NECAB2: variants seen among roughly 807,000 people sequenced by gnomAD.
NECAB2 encodes N-terminal EF-hand calcium-binding protein 2.
NECAB2 carries 68 observed loss-of-function variants against 51.9 expected under a neutral mutation model. The ratio of observed to expected loss-of-function variants is 1.31; its 90% CI spans 1.08 to 1.60. The LOEUF (loss-of-function observed/expected upper bound fraction) is 1.60, where lower values mean the gene tolerates loss of function less well. Among genes scored for constraint, NECAB2 ranks in the 40% most tolerant of loss-of-function variants. The pLI is 0.00. For synonymous variants in NECAB2, 329 were observed against 203.5 expected, an observed-to-expected ratio of 1.62 and a Z score of -5.25; for missense variants, 854 against 490.3, an observed-to-expected ratio of 1.74 and a Z score of -7.00.
chr16:83,967,915 C>T (rs554025015), upstream of NECAB2, among the ~76,000 whole-genome samples: 169 of 125,322 alleles, frequency 1.3e-3, 1 homozygote, highest in African/African-American at 4.9e-3. Flanking sequence ...GTCGGCCGGC[C>T]GGATGGATGG....
At position 83,990,538 on chromosome 16, in the gene NECAB2, C is replaced by A. The variant is rs766065183; in HGVS notation, c.504C>A (p.Phe168Leu). Residue 168 changes from phenylalanine to leucine, a missense_variant, in exon 6 of 13, where the codon TTC becomes TTA. Phe to Leu is a conservative substitution (Grantham distance 22). Coordinates refer to ENST00000305202, the MANE Select transcript of NECAB2 (RefSeq NM_019065.3). ...GSNVDQFVTR[F>L]LLKETANQIQ... ...ACGTGGACCAGTTTGTGACCCGCTT[C>A]CTCCTGAAGGAGACGGCCAATCAGA... 2 of 1,614,096 alleles carry A rather than the reference C, an allele frequency of 1.2e-6. No homozygotes were observed. The highest frequency in any genetic ancestry group is 3.3e-5 in the Admixed American group (2 of 60,012).
chr16:83,971,917 G>A (rs1384970988), intron 1 of NECAB2: 4 of 604,890 alleles, frequency 6.6e-6, no homozygotes, highest in Non-Finnish European at 1.2e-5. Context: ...GGAGCAGGCT[G>A]GTGGTACTGG....
chr16:84,000,653 C>G lies in NECAB2; in HGVS notation c.963-71C>G, dbSNP rs905405227. 9 of 1,406,270 alleles carry G rather than the reference C, an allele frequency of 6.4e-6. No homozygotes were observed. In the African/African-American group the frequency reaches 7.0e-5, roughly 11 times the overall value. 87.1% of individuals were successfully genotyped at this position (1,406,270 alleles called of 1,614,324 possible). A position where few individuals can be genotyped will look rare whatever the true frequency, so the allele number is the denominator to read the frequency against. On this transcript the variant is annotated intron_variant, in intron 10 of 12. Coordinates refer to ENST00000305202, the MANE Select transcript of NECAB2 (RefSeq NM_019065.3). ...TGTATAGTGGTGGGTCTCAGGCCAC[C>G]CCAGGGGAACAGCACTGAGGTGGCC...
chr16:83,998,294 C>T lies in NECAB2; in HGVS notation c.939C>T (p.Thr313=), dbSNP rs767483686. 7 of 1,613,488 alleles carry T rather than the reference C, an allele frequency of 4.3e-6. No individual in the cohort carries two copies. In the South Asian group the frequency reaches 4.4e-5, roughly 10 times the overall value. ...LDSLRQYLRG[T]TGVRNCFHIT... is the part of the protein sequence containing the mutation. ...CTCTGCGCCAGTATCTGCGGGGGAC[C>T]ACTGGCGTGAGGAACTGCTTCCAGT... is the stretch of plus-strand genomic sequence containing the variant. The change falls in exon 10 of 13, where the codon ACC becomes ACT. Residue 313 remains threonine (T), a synonymous_variant. Coordinates refer to ENST00000305202, the MANE Select transcript of NECAB2 (RefSeq NM_019065.3).
At chr16:83,972,246 G>C in intron 2 of NECAB2, 71 bp downstream of exon 2, 1 of 1,607,788 alleles carries the variant, frequency 6.2e-7, no homozygotes, top group Non-Finnish European at 8.5e-7. Flanking sequence ...AAGGGATCAG[G>C]GATAGGAGAC....
chr16:84,000,187 C>A (rs2084799567), intron 10 of NECAB2, among the ~76,000 whole-genome samples: 1 of 152,194 alleles, frequency 6.6e-6, no homozygotes, highest in Non-Finnish European at 1.5e-5. Flanking sequence ...CAGGCGTGAA[C>A]CATCACATCC....
intron 10 of NECAB2, among the ~76,000 whole-genome samples, chr16:83,998,678 T>C (rs554900376): frequency 1.3e-5 from 2 of 152,348 alleles, no homozygotes; most frequent in East Asian, 3.9e-4. Flanking sequence ...CAGCTGCTGC[T>C]GTCACAGGGG....
chr16:83,999,166 C>T (rs2084771013), intron 10 of NECAB2, among the ~76,000 whole-genome samples: 1 of 152,282 alleles, frequency 6.6e-6, no homozygotes, highest in Non-Finnish European at 1.5e-5. Flanking sequence ...GTGACAACAG[C>T]CTGACCTGTA....
At chr16:83,999,609 C>G (rs902433351) in intron 10 of NECAB2, among the ~76,000 whole-genome samples, 5 of 152,112 alleles carry the variant, frequency 3.3e-5, no homozygotes, top group African/African-American at 9.7e-5. Flanking sequence ...TTTATGGTCA[C>G]TTGGGGCTTC....
At chr16:83,965,562 C>G, upstream of NECAB2, 1 of 1,612,890 alleles carries the variant, frequency 6.2e-7, no homozygotes, top group Non-Finnish European at 8.5e-7. Context: ...AACCAGCTGC[C>G]CAAGATGCTG....
intron 2 of NECAB2, among the ~76,000 whole-genome samples, chr16:83,975,090 ACAGGTGTGCAGGGATGAGAG>A (rs2084392586): frequency 2.1e-5 from 2 of 94,824 alleles, no homozygotes; most frequent in Admixed American, 1.2e-4. Context: ...AGGGATGAGA[ACAGGTGTGCAGGGATGAGAG>A]CAGGTGTGCA....
At position 84,001,550 on chromosome 16, in the gene NECAB2, T is replaced by TA. The variant is rs2084836292; in HGVS notation, c.1041-275_1041-274insA. Among the ~76,000 whole-genome samples, 3 of 152,178 alleles carry TA rather than the reference T, an allele frequency of 2.0e-5. No homozygotes were observed. In the South Asian group the frequency reaches 6.2e-4, roughly 32 times the overall value. On this transcript the variant is annotated intron_variant, in intron 11 of 12. Transcript: ENST00000305202. ...AGGCAGAGGATGGCCCCACTCCTCC[T>TA]GCTAGGGTAAAGGGGGAGGTAGAGG...
chr16:83,997,020 C>T (rs1476682814), intron 8 of NECAB2, among the ~76,000 whole-genome samples, 196 bp from the exon 9 acceptor site: 2 of 150,500 alleles, frequency 1.3e-5, no homozygotes, highest in Non-Finnish European at 2.9e-5. Context: ...AAGCCATCCT[C>T]ACCCCAGCAA....
chr16:83,996,407 G>A (rs111333178), intron 8 of NECAB2, among the ~76,000 whole-genome samples: 80 of 152,278 alleles, frequency 5.3e-4, no homozygotes, highest in African/African-American at 1.8e-3. Context: ...CATTTAGAAC[G>A]TCACGGTGGT....
intron 5 of NECAB2, among the ~76,000 whole-genome samples, chr16:83,982,238 C>A (rs1051393016): frequency 6.6e-6 from 1 of 152,208 alleles, no homozygotes. Context: ...TAGACAGTCT[C>A]TGTTTTGCCA....
upstream of NECAB2, chr16:83,965,266 C>T (rs954801041): frequency 6.2e-7 from 1 of 1,608,906 alleles, no homozygotes; most frequent in South Asian, 1.1e-5. Context: ...GGAACCAGGC[C>T]CAGCAGCCCT....
chr16:84,002,471 G>A lies in NECAB2; in HGVS notation c.*125G>A, dbSNP rs1017443281. ...TTCAATCCATCCTCCACAAGAAGGT[G>A]TTTCCCTGTTGTTAAGTGAAGGAGG... On this transcript the variant is annotated 3_prime_UTR_variant, in exon 13 of 13. Coordinates refer to ENST00000305202, the MANE Select transcript of NECAB2 (RefSeq NM_019065.3). 6.8e-6 allele frequency: 9 copies of A among 1,326,768 alleles called. No homozygotes were observed. In the African/African-American group the frequency reaches 7.3e-5, roughly 11 times the overall value. 82.2% of individuals were successfully genotyped at this position (1,326,768 alleles called of 1,614,324 possible). A position where few individuals can be genotyped will look rare whatever the true frequency, so the allele number is the denominator to read the frequency against.
chr16:83,998,116 C>T (rs371564407), intron 9 of NECAB2, 89 bp from the exon 10 acceptor site: 45 of 1,131,990 alleles, frequency 4.0e-5, no homozygotes, highest in South Asian at 9.5e-5. Context: ...TTATTTTGAC[C>T]GAGGAAGGGA....
At chr16:83,989,218 T>C (rs1451966136) in intron 5 of NECAB2, among the ~76,000 whole-genome samples, 1 of 152,210 alleles carries the variant, frequency 6.6e-6, no homozygotes, top group Non-Finnish European at 1.5e-5. Flanking sequence ...GTTTTGGTCA[T>C]TGCCATTTAT....
Sources: gnomAD v4.1 joint callset for allele counts (sites outside exome capture counted in the v4.1 genomes callset) on GRCh38, gnomAD v4.1.1 for gene constraint, MANE v1.5 for transcripts, NCBI Gene and HGNC (gene_info 2026-07-23, HGNC 2026-07-21) for gene names.